GRAMD4: variants seen among roughly 807,000 people sequenced by gnomAD.
The protein encoded by GRAMD4 is GRAM domain containing 4.
A neutral mutation model predicts 83.9 loss-of-function variants in GRAMD4; 25 were observed. That is an observed-to-expected ratio of 0.30 (90% confidence interval 0.22 to 0.42). The LOEUF is 0.42. GRAMD4 is among the 10% of genes least tolerant of loss of function. GRAMD4 has a pLI of 1.00. For synonymous variants in GRAMD4, 336 were observed against 320.9 expected, an observed-to-expected ratio of 1.05 and a Z score of -0.50; for missense variants, 593 against 788.7, an observed-to-expected ratio of 0.75 and a Z score of 2.97.
chr22:46,655,735 G>C (rs192671709), intron 3 of GRAMD4, among the ~76,000 whole-genome samples: 8 of 152,310 alleles, frequency 5.3e-5, no homozygotes, highest in African/African-American at 1.7e-4. Flanking sequence ...GCTGGACCCT[G>C]CCCCTAATTC....
Position 46,626,950 on chromosome 22 carries a change from C to T in GRAMD4, c.151C>T (p.Leu51=), listed in dbSNP as rs1217598136. Residue 51 remains leucine (L), a synonymous_variant, in exon 2 of 19, where the codon CTG becomes TTG. Coordinates refer to ENST00000406902, the MANE Select transcript of GRAMD4 (RefSeq NM_015124.5). ...PRTSPRDSEE[L]RDPAGPGTLI... is the part of the protein sequence containing the mutation. ...GACCTCGCCCCGGGACAGCGAGGAG[C>T]TGAGGGACCCTGTGAGTACCTGTCC... is the stretch of plus-strand genomic sequence containing the variant. The T allele has an allele frequency of 1.9e-6, 3 of 1,612,320 alleles. No homozygotes were observed. The highest frequency in any genetic ancestry group is 1.3e-5 in the African/African-American group (1 of 74,902).
intron 13 of GRAMD4, among the ~76,000 whole-genome samples, chr22:46,671,498 T>TA (rs895462810): frequency 1.1e-4 from 14 of 123,138 alleles, no homozygotes; most frequent in South Asian, 7.8e-4. Flanking sequence ...AAATTAAAAT[T>TA]AAAAAAAATT....
chr22:46,591,250 C>T (rs962999006), intron 1 of GRAMD4, among the ~76,000 whole-genome samples: 1 of 152,160 alleles, frequency 6.6e-6, no homozygotes, highest in African/African-American at 2.4e-5. Flanking sequence ...GGTGCAGTGG[C>T]TCATGCCTGT....
Position 46,679,696 on chromosome 22 carries a change from A to T in GRAMD4, c.*2445A>T, listed in dbSNP as rs184196406. 8,966 of 977,926 alleles carry T rather than the reference A, an allele frequency of 9.2e-3. 45 individuals are homozygous for T. Among genetic ancestry groups the T allele is most frequent in the Middle Eastern group, 0.012 (22 of 1,884 alleles). 60.6% of individuals were successfully genotyped at this position (977,926 alleles called of 1,614,324 possible). On this transcript the variant is annotated 3_prime_UTR_variant, in exon 19 of 19. Coordinates refer to ENST00000406902, the MANE Select transcript of GRAMD4 (RefSeq NM_015124.5). ...CCGATGAAAAAAATTCTCCTGTAAC[A>T]TTTTTTTAAGAAAACTTTGTTTGTT...
At chr22:46,665,745 G>A (rs374633039) in intron 9 of GRAMD4, 39 bp downstream of exon 9, 9 of 1,045,132 alleles carry the variant, frequency 8.6e-6, no homozygotes, top group South Asian at 2.5e-5. Context: ...TTATCCCACC[G>A]CATGTATGGC....
intron 3 of GRAMD4, among the ~76,000 whole-genome samples, chr22:46,645,019 T>C (rs2082054205): frequency 6.9e-6 from 1 of 145,518 alleles, no homozygotes; most frequent in South Asian, 2.3e-4. Flanking sequence ...CAAAGTTTAT[T>C]ACAGGCGTGA....
intron 3 of GRAMD4, 24 bp downstream of exon 3, chr22:46,637,984 G>C (rs747330046): frequency 6.2e-7 from 1 of 1,611,056 alleles, no homozygotes; most frequent in Non-Finnish European, 8.5e-7. Context: ...AGCGCTTGGA[G>C]GGGATGGGAC....
In GRAMD4 at chr22:46,622,829, G is replaced by A. The variant is rs769472296; in HGVS notation, c.-50+2264G>A. ...CGGGAGGCTGAGGCAGGAGAATGGC[G>A]TGAACCCAGGAGGCGGATCTTGCAG... On this transcript the variant is annotated intron_variant, in intron 1 of 18. Coordinates refer to ENST00000406902, the MANE Select transcript of GRAMD4 (RefSeq NM_015124.5). The surrounding 1 kb of genome is among the most constrained non-coding windows in gnomAD (Gnocchi z 4.0). 8.6e-5 allele frequency among the ~76,000 whole-genome samples: 13 copies of A among 151,166 alleles called. No homozygotes were observed. Among genetic ancestry groups the A allele is most frequent in the Admixed American group, 3.3e-4 (5 of 15,138 alleles).
intron 6 of GRAMD4, 27 bp from the exon 7 acceptor site, chr22:46,663,811 G>A: frequency 3.1e-6 from 5 of 1,612,434 alleles, no homozygotes; most frequent in Non-Finnish European, 4.2e-6. Flanking sequence ...TTAACCCTGG[G>A]CTCCCATCTC....
intron 1 of GRAMD4, among the ~76,000 whole-genome samples, chr22:46,591,281 C>G (rs2147006152): frequency 6.6e-6 from 1 of 152,228 alleles, no homozygotes; most frequent in South Asian, 2.1e-4. Flanking sequence ...CTTTGAGAGG[C>G]TGAGAGGGGG....
At chr22:46,660,710 C>T (rs1434941074) in intron 4 of GRAMD4, among the ~76,000 whole-genome samples, 1 of 152,214 alleles carries the variant, frequency 6.6e-6, no homozygotes, top group Non-Finnish European at 1.5e-5. Flanking sequence ...CTTACCTGGC[C>T]GTGCCCTGTG....
chr22:46,626,631 C>T (rs377713063), intron 1 of GRAMD4, 120 bp from the exon 2 acceptor site: 180 of 560,330 alleles, frequency 3.2e-4, no homozygotes, highest in Middle Eastern at 9.1e-4. Flanking sequence ...GGTGGCAGGG[C>T]GGGGTCTCTG....
intron 4 of GRAMD4, 111 bp downstream of exon 4, chr22:46,658,418 G>C: frequency 2.7e-6 from 3 of 1,117,436 alleles, no homozygotes; most frequent in South Asian, 3.0e-5. Context: ...CATCATTCTT[G>C]GCCCTGGAGA....
At chr22:46,602,676 A>G (rs1276212924) in intron 1 of GRAMD4, among the ~76,000 whole-genome samples, 26 of 147,012 alleles carry the variant, frequency 1.8e-4, no homozygotes, top group Admixed American at 1.8e-3. Flanking sequence ...AAAAAATTGT[A>G]TTTCTCTCAT....
chr22:46,583,024 A>G (rs1489786462), intron 1 of GRAMD4, among the ~76,000 whole-genome samples: 1 of 152,168 alleles, frequency 6.6e-6, no homozygotes, highest in Non-Finnish European at 1.5e-5. Context: ...TCCCGGGTTC[A>G]AGCGATTCTC....
At chr22:46,650,313 CG>C in intron 3 of GRAMD4, among the ~76,000 whole-genome samples, 1 of 127,416 alleles carries the variant, frequency 7.8e-6, no homozygotes, top group African/African-American at 3.3e-5. Context: ...CGCTGAGTGT[CG>C]AGGCTGGGTG....
chr22:46,678,204 G>A lies in GRAMD4; in HGVS notation c.*953G>A, dbSNP rs2082626886. On this transcript the variant is annotated 3_prime_UTR_variant, in exon 19 of 19. Coordinates refer to ENST00000406902, the MANE Select transcript of GRAMD4 (RefSeq NM_015124.5). The stretch of plus-strand genomic sequence containing the variant: ...GGTTGGTTGGGGGAGGAAGTGGGGA[G>A]GAGTGTTCCGGGACCATGGTGGCCC... The A allele has an allele frequency of 2.0e-6, 2 of 985,272 alleles. No homozygotes were observed. The highest frequency in any genetic ancestry group is 1.7e-5 in the African/African-American group (1 of 57,244). The allele number at this position is 985,272 out of a possible 1,614,324, so 61.0% of individuals were successfully genotyped here. A position where few individuals can be genotyped will look rare whatever the true frequency, so the allele number is the denominator to read the frequency against.
chr22:46,629,508 G>C (rs531344189), intron 2 of GRAMD4, among the ~76,000 whole-genome samples: 2 of 152,108 alleles, frequency 1.3e-5, no homozygotes, highest in South Asian at 2.1e-4. Context: ...CCCCCGGGGT[G>C]GGGGGCTGTG....
At chr22:46,577,612 G>A (rs1228850648) in intron 1 of GRAMD4, among the ~76,000 whole-genome samples, 4 of 151,804 alleles carry the variant, frequency 2.6e-5, no homozygotes, top group Non-Finnish European at 4.4e-5. Flanking sequence ...CGGACCGGGG[G>A]TCACCGACGC....
Sources: gnomAD v4.1 joint callset for allele counts (sites outside exome capture counted in the v4.1 genomes callset) on GRCh38, gnomAD v4.1.1 for gene constraint, Gnocchi (gnomAD v3.1) non-coding constraint, MANE v1.5 for transcripts, NCBI Gene and HGNC (gene_info 2026-07-23, HGNC 2026-07-21) for gene names.